The following NMNAT2 variants were observed in gnomAD, a reference collection of about 807,000 sequenced individuals.
The protein encoded by NMNAT2 is nicotinamide nucleotide adenylyltransferase 2, also known as nicotinamide/nicotinic acid mononucleotide adenylyltransferase 2.
A neutral mutation model predicts 41.6 loss-of-function variants in NMNAT2; 11 were observed. The observed-to-expected ratio is 0.26, with a 90% CI of 0.17 to 0.44. The LOEUF (loss-of-function observed/expected upper bound fraction) is 0.44. Ranked by LOEUF, NMNAT2 falls within the 20% of genes least tolerant of loss-of-function variation. The pLI is 1.00. For synonymous variants in NMNAT2, 148 were observed against 151.2 expected, an observed-to-expected ratio of 0.98 and a Z score of 0.16; for missense variants, 288 against 407.7, an observed-to-expected ratio of 0.71 and a Z score of 2.53.
intron 1 of NMNAT2, among the ~76,000 whole-genome samples, chr1:183,407,822 T>C (rs1649003087): frequency 6.6e-6 from 1 of 152,214 alleles, no homozygotes; most frequent in Non-Finnish European, 1.5e-5. Flanking sequence ...GTATATAAGA[T>C]ATTACATTTA....
At chr1:183,275,437 G>C (rs2102294369) in intron 8 of NMNAT2, among the ~76,000 whole-genome samples, 1 of 152,050 alleles carries the variant, frequency 6.6e-6, no homozygotes, top group Middle Eastern at 3.4e-3. Context: ...GGGGAAGCAG[G>C]TCTGCTCCAG....
At chr1:183,329,550 T>C (rs1175774886) in intron 1 of NMNAT2, among the ~76,000 whole-genome samples, 5 of 152,202 alleles carry the variant, frequency 3.3e-5, no homozygotes, top group East Asian at 3.9e-4. Context: ...GAGCCTGCCA[T>C]GGGGATGACC....
chr1:183,330,741 T>C (rs538122844), intron 1 of NMNAT2, among the ~76,000 whole-genome samples: 1 of 152,338 alleles, frequency 6.6e-6, no homozygotes, highest in South Asian at 2.1e-4. Flanking sequence ...TATATATTTC[T>C]TTTGTCAACC....
chr1:183,332,889 A>G (rs1275550412), intron 1 of NMNAT2, among the ~76,000 whole-genome samples: 1 of 152,210 alleles, frequency 6.6e-6, no homozygotes, highest in Non-Finnish European at 1.5e-5. Flanking sequence ...AAAACTCTGC[A>G]CATTTATCCT....
At chr1:183,380,570 G>C (rs1470060727) in intron 1 of NMNAT2, among the ~76,000 whole-genome samples, 1 of 152,164 alleles carries the variant, frequency 6.6e-6, no homozygotes, top group Non-Finnish European at 1.5e-5. Flanking sequence ...ATGACTATGG[G>C]AATATGAGAG....
intron 1 of NMNAT2, among the ~76,000 whole-genome samples, chr1:183,362,725 C>T (rs4465156): frequency 0.1 from 15,732 of 152,178 alleles, 861 homozygotes; most frequent in Middle Eastern, 0.16. Context: ...CTGCTGTAAA[C>T]ATCATGTACG....
chr1:183,389,813 AAAG>A (rs1648403476), intron 1 of NMNAT2, among the ~76,000 whole-genome samples: 1 of 68,248 alleles, frequency 1.5e-5, no homozygotes, highest in African/African-American at 4.3e-5. Context: ...AGAAAGAAAG[AAAG>A]AAAGAAAGAA....
chr1:183,341,749 C>CAAAAAAAAAAAAAAAAAAAAA (rs1475480146), intron 1 of NMNAT2, among the ~76,000 whole-genome samples: 1 of 31,680 alleles, frequency 3.2e-5, no homozygotes, highest in Non-Finnish European at 6.4e-5. Flanking sequence ...AAAAAAAAAC[C>CAAAAAAAAAAAAAAAAAAAAA]TGTTTCCTTC....
At chr1:183,354,352 T>C (rs1663133653) in intron 1 of NMNAT2, among the ~76,000 whole-genome samples, 1 of 151,770 alleles carries the variant, frequency 6.6e-6, no homozygotes, top group Non-Finnish European at 1.5e-5. Context: ...TCAGGAATCA[T>C]CGTATCTGTC....
chr1:183,278,674 C>G (rs377699449), intron 7 of NMNAT2, 45 bp from the exon 8 acceptor site: 49 of 1,400,398 alleles, frequency 3.5e-5, no homozygotes, highest in Non-Finnish European at 4.9e-5. Flanking sequence ...AGTGGTGGCC[C>G]GGGAAGCATT....
chr1:183,256,166 G>A (rs1660511307), intron 10 of NMNAT2, among the ~76,000 whole-genome samples: 1 of 152,026 alleles, frequency 6.6e-6, no homozygotes, highest in Admixed American at 6.5e-5. Flanking sequence ...CCAGCACTTT[G>A]GGAGGCTGAG....
intron 1 of NMNAT2, among the ~76,000 whole-genome samples, chr1:183,352,031 A>G (rs952938689): frequency 3.3e-5 from 5 of 152,158 alleles, no homozygotes; most frequent in African/African-American, 1.2e-4. Flanking sequence ...GAACAGACAT[A>G]TCAATACTTA....
rs1390369240 is a variant in NMNAT2, at chr1:183,293,628, T to C, written c.174+77A>G. ...CTTAGCAGAGACAGAGCGGGGGCAG[T>C]TTTTCTGCCAGGAACTATCAGGCCA... On this transcript the variant is annotated intron_variant, in intron 2 of 10. Transcript: ENST00000287713. The C allele has an allele frequency of 2.7e-6, 3 of 1,104,842 alleles. No individual in the cohort carries two copies. The African/African-American group carries it at 4.6e-5, about 17-fold the overall frequency. 68.4% of individuals were successfully genotyped at this position (1,104,842 alleles called of 1,614,324 possible).
chr1:183,265,241 CTCTTCT>C (rs1360548200), intron 8 of NMNAT2, among the ~76,000 whole-genome samples: 3 of 134,224 alleles, frequency 2.2e-5, no homozygotes, highest in African/African-American at 2.9e-5. Flanking sequence ...AATAGAAATT[CTCTTCT>C]TCTTCTTCTT....
chr1:183,338,538 C>G (rs1571606628), intron 1 of NMNAT2, among the ~76,000 whole-genome samples: 2 of 152,296 alleles, frequency 1.3e-5, no homozygotes, highest in African/African-American at 4.8e-5. Flanking sequence ...TCTGATGACT[C>G]ACACGGTCTT....
chr1:183,406,521 C>T (rs1037430805), intron 1 of NMNAT2, among the ~76,000 whole-genome samples: 3 of 152,162 alleles, frequency 2.0e-5, no homozygotes, highest in Admixed American at 6.6e-5. Context: ...ATAGTGCATT[C>T]TCTGGACCTG....
At chr1:183,373,910 G>A (rs1053586146) in intron 1 of NMNAT2, among the ~76,000 whole-genome samples, 4 of 152,312 alleles carry the variant, frequency 2.6e-5, no homozygotes, top group South Asian at 2.1e-4. Flanking sequence ...GAGCCACTGC[G>A]CCTGGCCAGT....
chr1:183,310,654 G>A (rs1156808451), intron 1 of NMNAT2, among the ~76,000 whole-genome samples: 1 of 152,150 alleles, frequency 6.6e-6, no homozygotes, highest in East Asian at 1.9e-4. Context: ...CATTTAGTTG[G>A]CAGAAGCCAG....
intron 1 of NMNAT2, among the ~76,000 whole-genome samples, chr1:183,357,979 T>C (rs1313916347): frequency 1.3e-5 from 2 of 152,208 alleles, no homozygotes; most frequent in Non-Finnish European, 2.9e-5. Flanking sequence ...CGTATGTTCA[T>C]TGCAGCACTA....
Sources: gnomAD v4.1 joint callset for allele counts (sites outside exome capture counted in the v4.1 genomes callset) on GRCh38, gnomAD v4.1.1 for gene constraint, MANE v1.5 for transcripts, NCBI Gene and HGNC (gene_info 2026-07-23, HGNC 2026-07-21) for gene names.